Variants in COL22A1 observed in about 807,000 individuals in gnomAD.
COL22A1 encodes the protein collagen type XXII alpha 1 chain, also known as collagen alpha-1(XXII) chain.
Under a neutral mutation model 248.9 loss-of-function variants are expected in COL22A1, and 221 were observed. The ratio of observed to expected loss-of-function variants is 0.89; its 90% CI spans 0.80 to 0.99. The LOEUF (loss-of-function observed/expected upper bound fraction) is 0.99, where lower values mean the gene tolerates loss of function less well. Among genes scored for constraint, COL22A1 ranks in the 50% least tolerant of loss-of-function variants. The pLI is 0.00. For synonymous variants in COL22A1, 891 were observed against 793.4 expected (o/e 1.12, Z -2.07); for missense variants, 2,240 against 2,179.0 (o/e 1.03, Z -0.56).
rs766687497 is a variant in COL22A1 at position 138,755,496 on chromosome 8, A to G, written c.1963T>C (p.Leu655=). 3.7e-6 allele frequency: 6 copies of G among 1,613,960 alleles called. No homozygotes were observed. The change falls in exon 20 of 65, where the codon TTG becomes CTG. Residue 655 remains leucine (L), a synonymous_variant. Coordinates refer to ENST00000303045, the MANE Select transcript of COL22A1 (RefSeq NM_152888.3). Reference sequence around the variant, plus strand: ...GTGCCTCTTACCTGTTCCCCTTTCAAGCCCTCTTGCTGCACCTGAGAGACA... The same window carrying G: ...GTGCCTCTTACCTGTTCCCCTTTCAGGCCCTCTTGCTGCACCTGAGAGACA... The part of the protein sequence containing the change: ...VPGSVVQQEG[L]KGEQGAPGPR...
In COL22A1 at chr8:138,688,898, G is replaced by T; in HGVS notation, c.2862+19C>A. On this transcript the variant is annotated intron_variant, in intron 37 of 64. Coordinates refer to ENST00000303045, the MANE Select transcript of COL22A1 (RefSeq NM_152888.3). The stretch of plus-strand genomic sequence containing the variant: ...TTAAGGATATTCACTTGTGTGCTGA[G>T]AGATCATATTGGTCTTACCTTCTCA... 6.2e-7 allele frequency: 1 copy of T among 1,606,270 alleles called. No homozygotes were observed. Among genetic ancestry groups the T allele is most frequent in the Non-Finnish European group, 8.5e-7 (1 of 1,172,952 alleles).
At chr8:138,913,316 C>A (rs1209330278) in intron 1 of COL22A1, among the ~76,000 whole-genome samples, 1 of 152,084 alleles carries the variant, frequency 6.6e-6, no homozygotes, top group Non-Finnish European at 1.5e-5. Flanking sequence ...TGACTCTCGG[C>A]GGCCATCGCT....
In COL22A1 at chr8:138,906,383, T is replaced by C. The variant is rs1298671745; in HGVS notation, c.-73+7236A>G. Among the ~76,000 whole-genome samples, 3 of 100,776 alleles carry C rather than the reference T, an allele frequency of 3.0e-5. No homozygotes were observed. In the East Asian group the frequency reaches 9.0e-4, roughly 30 times the overall value. 66.1% of individuals were successfully genotyped at this position (100,776 alleles called of 152,430 possible). A position where few individuals can be genotyped will look rare whatever the true frequency, so the allele number is the denominator to read the frequency against. On this transcript the variant is annotated intron_variant, in intron 1 of 64. Transcript: ENST00000303045. ...TGACTCCGTCTCAAAAAAAAAAAAT[T>C]ACCTACATATTGGTCTGTCTTCTCA...
At chr8:138,889,873 G>T (rs991885583) in intron 1 of COL22A1, among the ~76,000 whole-genome samples, 2 of 152,134 alleles carry the variant, frequency 1.3e-5, no homozygotes, top group Non-Finnish European at 2.9e-5. Flanking sequence ...TATCAATGTT[G>T]TAATCTCCAA....
At chr8:138,640,994 C>T (rs373014741) in intron 47 of COL22A1, among the ~76,000 whole-genome samples, 3 of 152,184 alleles carry the variant, frequency 2.0e-5, no homozygotes, top group East Asian at 1.9e-4. Flanking sequence ...CCTAAGTGTT[C>T]GCTGCAAGCT....
chr8:138,716,933 C>T (rs1829484445), intron 27 of COL22A1, 64 bp from the exon 28 acceptor site: 1 of 1,227,230 alleles, frequency 8.1e-7, no homozygotes, highest in African/African-American at 1.5e-5. Flanking sequence ...ACTGCCATTT[C>T]CCAGTTGTCC....
intron 13 of COL22A1, 66 bp from the exon 14 acceptor site, chr8:138,779,628 C>T (rs1814781912): frequency 1.8e-5 from 20 of 1,083,854 alleles, no homozygotes; most frequent in Middle Eastern, 2.0e-4. Flanking sequence ...CCAGAGAAGC[C>T]CACAGTCTCC....
chr8:138,737,421 G>A (rs745800782), intron 23 of COL22A1, 103 bp downstream of exon 23: 6 of 813,588 alleles, frequency 7.4e-6, no homozygotes, highest in Non-Finnish European at 1.3e-5. Flanking sequence ...TTGATGAGGT[G>A]ACCAGCAGGA....
At chr8:138,891,261 G>C (rs1049746473) in intron 1 of COL22A1, among the ~76,000 whole-genome samples, 15 of 152,180 alleles carry the variant, frequency 9.9e-5, no homozygotes, top group Non-Finnish European at 1.9e-4. Context: ...TTCTGTCTCA[G>C]GTGATGAAAA....
Position 138,655,041 on chromosome 8 carries a change from G to A in COL22A1, c.3333+856C>T, listed in dbSNP as rs114245517. ...TGAGAACATGAGTTAGTCCTGTCTG[G>A]GTTAAAGGCCAGCCTCTGGTGTCAG... is the stretch of plus-strand genomic sequence containing the variant. On this transcript the variant is annotated intron_variant, in intron 45 of 64. Transcript: ENST00000303045. Among the ~76,000 whole-genome samples, 1,157 of 152,252 alleles carry A rather than the reference G, an allele frequency of 7.6e-3. 18 individuals carry two copies. Among genetic ancestry groups the A allele is most frequent in the African/African-American group, 0.025 (1,028 of 41,526 alleles).
chr8:138,833,263 C>G, intron 4 of COL22A1, 113 bp from the exon 5 acceptor site: 1 of 725,396 alleles, frequency 1.4e-6, no homozygotes, highest in South Asian at 1.6e-5. Flanking sequence ...CCCAGGAGAA[C>G]AGATCGGGAG....
intron 11 of COL22A1, among the ~76,000 whole-genome samples, chr8:138,797,590 G>A (rs1037414360): frequency 2.0e-5 from 3 of 152,068 alleles, no homozygotes; most frequent in African/African-American, 7.2e-5. Flanking sequence ...CATTTTTGAG[G>A]GGTATATTCC....
intron 1 of COL22A1, among the ~76,000 whole-genome samples, chr8:138,885,455 G>T (rs1256064009): frequency 6.6e-6 from 1 of 152,182 alleles, no homozygotes; most frequent in Non-Finnish European, 1.5e-5. Flanking sequence ...TCAAGTCTAG[G>T]TGTCTCTGCT....
At chr8:138,720,322 C>G (rs1829772119) in intron 27 of COL22A1, among the ~76,000 whole-genome samples, 1 of 152,132 alleles carries the variant, frequency 6.6e-6, no homozygotes, top group Non-Finnish European at 1.5e-5. Context: ...GAACACAGTT[C>G]AGAGAGAGCG....
chr8:138,616,792 T>G, intron 54 of COL22A1, 122 bp downstream of exon 54: 1 of 1,083,944 alleles, frequency 9.2e-7, no homozygotes, highest in South Asian at 1.3e-5. Context: ...TCCATGCTGG[T>G]GTGCTCCACG....
chr8:138,700,640 G>C (rs1827877360), intron 31 of COL22A1, among the ~76,000 whole-genome samples: 1 of 152,186 alleles, frequency 6.6e-6, no homozygotes, highest in Non-Finnish European at 1.5e-5. Context: ...AAAGACTCTG[G>C]CGGACTGGCC....
chr8:138,660,935 GAC>G (rs1322873228), intron 43 of COL22A1, among the ~76,000 whole-genome samples: 7 of 47,220 alleles, frequency 1.5e-4, no homozygotes, highest in Admixed American at 2.3e-4. Flanking sequence ...CAGACACACA[GAC>G]ACACACATAA....
At chr8:138,790,669 A>G (rs1408432595) in intron 12 of COL22A1, among the ~76,000 whole-genome samples, 1 of 152,238 alleles carries the variant, frequency 6.6e-6, no homozygotes, top group Non-Finnish European at 1.5e-5. Context: ...CACTGTGGAC[A>G]GCACAAGGTG....
chr8:138,821,549 C>T, intron 6 of COL22A1, 138 bp from the exon 7 acceptor site: 6 of 842,922 alleles, frequency 7.1e-6, no homozygotes, highest in Non-Finnish European at 1.1e-5. Flanking sequence ...TGGTCACCTG[C>T]CACCTGAGCT....
Sources: allele counts gnomAD v4.1 joint callset (sites outside exome capture counted in the v4.1 genomes callset), GRCh38; gene constraint gnomAD v4.1.1; transcripts MANE v1.5; gene names NCBI Gene and HGNC (gene_info 2026-07-23, HGNC 2026-07-21).